The following PTPRD variants were observed in gnomAD, a reference collection of about 807,000 sequenced individuals.
The protein encoded by PTPRD is protein tyrosine phosphatase receptor type D, also known as receptor-type tyrosine-protein phosphatase delta.
Under a neutral mutation model 214.5 loss-of-function variants are expected in PTPRD, and 34 were observed. The observed-to-expected ratio is 0.16, with a 90% CI of 0.12 to 0.21. The LOEUF is 0.21. Among genes scored for constraint, PTPRD ranks in the 10% least tolerant of loss-of-function variants. The pLI is 1.00. For synonymous variants in PTPRD, 1,128 were observed against 845.7 expected, an observed-to-expected ratio of 1.33 and a Z score of -5.79; for missense variants, 2,545 against 2,398.7, an observed-to-expected ratio of 1.06 and a Z score of -1.27.
At chr9:8,771,377 T>G (rs1286142053) in intron 11 of PTPRD, among the ~76,000 whole-genome samples, 2 of 152,290 alleles carry the variant, frequency 1.3e-5, no homozygotes, top group East Asian at 3.9e-4. Context: ...TAAAAATTCT[T>G]AGAATTTAGA....
At chr9:8,421,923 GGATAGCCTGAGCCCAGTA>G (rs1283709073) in intron 35 of PTPRD, among the ~76,000 whole-genome samples, 1 of 151,378 alleles carries the variant, frequency 6.6e-6, no homozygotes. Context: ...CAAGGCAGGT[GGATAGCCTGAGCCCAGTA>G]GTTCGAGACC....
intron 8 of PTPRD, among the ~76,000 whole-genome samples, chr9:9,553,953 T>C (rs191902723): frequency 3.9e-5 from 6 of 152,070 alleles, no homozygotes; most frequent in Admixed American, 3.3e-4. Flanking sequence ...TATGTGAGCA[T>C]TGCTTGCTAC....
At chr9:9,814,180 G>A (rs1240513409) in intron 5 of PTPRD, among the ~76,000 whole-genome samples, 1 of 151,968 alleles carries the variant, frequency 6.6e-6, no homozygotes, top group Admixed American at 6.6e-5. Flanking sequence ...CAAGCCAAAA[G>A]TAAACATTAG....
At chr9:9,456,615 A>G (rs987353) in intron 8 of PTPRD, among the ~76,000 whole-genome samples, 87,914 of 151,616 alleles carry the variant, frequency 0.58, 25,966 homozygotes, top group East Asian at 0.67. Context: ...ATCACCTCTA[A>G]ACTTTAATAA....
chr9:10,004,980 G>C (rs2154098260), intron 4 of PTPRD, among the ~76,000 whole-genome samples: 1 of 152,194 alleles, frequency 6.6e-6, no homozygotes, highest in East Asian at 1.9e-4. Context: ...AACTGTAAAT[G>C]CTAGTTTCAT....
intron 3 of PTPRD, among the ~76,000 whole-genome samples, chr9:10,141,748 C>T (rs953092076): frequency 0.017 from 2,539 of 152,160 alleles, 59 homozygotes; most frequent in African/African-American, 0.058. Flanking sequence ...TTGGAAAAAA[C>T]TACTTTAAAG....
rs2097843244 is a variant in PTPRD at position 8,852,643 on chromosome 9, G to A, written c.-103-118697C>T. 2.0e-5 allele frequency among the ~76,000 whole-genome samples: 3 copies of A among 152,190 alleles called. No homozygotes were observed. The South Asian group carries it at 6.2e-4, about 31-fold the overall frequency. On this transcript the variant is annotated intron_variant, in intron 11 of 45. Coordinates refer to ENST00000381196, the MANE Select transcript of PTPRD (RefSeq NM_002839.4). ...TACATGACCTACTAGCTTACAGACA[G>A]AATGAGCTGTCTTAGCTCTCCAAAC...
At chr9:9,690,307 G>T (rs1191313001) in intron 7 of PTPRD, among the ~76,000 whole-genome samples, 2 of 151,782 alleles carry the variant, frequency 1.3e-5, no homozygotes, top group African/African-American at 4.8e-5. Flanking sequence ...TGTCTATTCA[G>T]ATCTTTTGCC....
intron 4 of PTPRD, among the ~76,000 whole-genome samples, chr9:9,992,032 A>T (rs2095952925): frequency 6.6e-6 from 1 of 152,206 alleles, no homozygotes; most frequent in Non-Finnish European, 1.5e-5. Context: ...TGAAATGCCC[A>T]ATATAGGCAA....
At chr9:9,227,313 C>T (rs1029015457) in intron 9 of PTPRD, among the ~76,000 whole-genome samples, 2 of 151,976 alleles carry the variant, frequency 1.3e-5, no homozygotes, top group Non-Finnish European at 2.9e-5. Flanking sequence ...ATTATTTGCA[C>T]GGTATGGGAG....
chr9:9,802,438 T>A lies in PTPRD; in HGVS notation c.-367-35587A>T, dbSNP rs564371104. ...TACCTTATATTAGGCCATAATTTGC[T>A]CCTAAATTAGCCACAGAACTCAAAC... is the stretch of plus-strand genomic sequence containing the variant. On this transcript the variant is annotated intron_variant, in intron 5 of 45. Transcript: ENST00000381196. Among the ~76,000 whole-genome samples, 7 of 152,060 alleles carry A rather than the reference T, an allele frequency of 4.6e-5. No homozygotes were observed. The South Asian group carries it at 1.5e-3, about 32-fold the overall frequency.
chr9:10,612,619 A>G (rs999393745), intron 1 of PTPRD, 69 bp downstream of exon 1: 3 of 152,244 alleles, frequency 2.0e-5, no homozygotes, highest in African/African-American at 7.2e-5. Flanking sequence ...GGAGGGGGCA[A>G]AGGAAGAAAA....
At chr9:9,587,254 T>C (rs984398552) in intron 7 of PTPRD, among the ~76,000 whole-genome samples, 2 of 151,940 alleles carry the variant, frequency 1.3e-5, no homozygotes, top group East Asian at 3.9e-4. Context: ...TAAGAGATAA[T>C]AGTAATGATA....
At chr9:9,442,915 T>C (rs1332210) in intron 8 of PTPRD, among the ~76,000 whole-genome samples, 86,864 of 151,986 alleles carry the variant, frequency 0.57, 25,163 homozygotes, top group East Asian at 0.68. Flanking sequence ...TACATTTTTA[T>C]CCATACATGT....
chr9:8,419,698 A>C (rs2094216393), intron 35 of PTPRD, among the ~76,000 whole-genome samples: 1 of 152,050 alleles, frequency 6.6e-6, no homozygotes, highest in Non-Finnish European at 1.5e-5. Context: ...ATTTTGGATG[A>C]AATTATAAAA....
At chr9:9,148,665 T>C (rs2099872729) in intron 10 of PTPRD, among the ~76,000 whole-genome samples, 1 of 152,070 alleles carries the variant, frequency 6.6e-6, no homozygotes, top group African/African-American at 2.4e-5. Flanking sequence ...TATAATAGAA[T>C]AATCCACTCT....
In PTPRD at chr9:9,397,474, C is replaced by T. The variant is rs528098559; in HGVS notation, c.-228G>A. The T allele has an allele frequency of 3.3e-5, 5 of 152,470 alleles. No homozygotes were observed. In the South Asian group the frequency reaches 1.0e-3, roughly 32 times the overall value. The allele number at this position is 152,470 out of a possible 1,614,324, so 9.4% of individuals were successfully genotyped here. On this transcript the variant is annotated 5_prime_UTR_variant, in exon 9 of 46. Coordinates refer to ENST00000381196, the MANE Select transcript of PTPRD (RefSeq NM_002839.4). ...CACAGTTGTTCAGTTAATGGACAGG[C>T]ACCATCATCTGAAACAACAAAAATG...
chr9:9,371,006 C>G lies in PTPRD; in HGVS notation c.-203+26443G>C, dbSNP rs202116360. On this transcript the variant is annotated intron_variant, in intron 9 of 45. Coordinates refer to ENST00000381196, the MANE Select transcript of PTPRD (RefSeq NM_002839.4). Reference sequence around the variant, plus strand: ...AAGTTTTTTGATGTGCTGCTGGATTCGTTTTGCCAGAATTTTATTGAGGAT... The same window carrying G: ...AAGTTTTTTGATGTGCTGCTGGATTGGTTTTGCCAGAATTTTATTGAGGAT... Among the ~76,000 whole-genome samples the G allele has an allele frequency of 3.3e-5, 5 of 152,146 alleles. No homozygotes were observed. The East Asian group carries it at 5.8e-4, about 18-fold the overall frequency.
chr9:10,195,913 C>G (rs2099396226), intron 3 of PTPRD, among the ~76,000 whole-genome samples: 1 of 152,058 alleles, frequency 6.6e-6, no homozygotes, highest in Non-Finnish European at 1.5e-5. Context: ...AAAACTATAA[C>G]TTGTATGATT....
Sources: gnomAD v4.1 joint callset for allele counts (sites outside exome capture counted in the v4.1 genomes callset) on GRCh38, gnomAD v4.1.1 for gene constraint, MANE v1.5 for transcripts, NCBI Gene and HGNC (gene_info 2026-07-23, HGNC 2026-07-21) for gene names.